Variants in NWD2 observed in about 807,000 individuals in gnomAD.
The protein encoded by NWD2 is NACHT and WD repeat domain-containing protein 2.
NWD2 carries 37 observed loss-of-function variants against 132.7 expected under a neutral mutation model. The ratio of observed to expected loss-of-function variants is 0.28; its 90% CI spans 0.21 to 0.37. The LOEUF is 0.37. NWD2 is among the 10% of genes least tolerant of loss of function. NWD2 has a pLI of 1.00. For missense variants in NWD2, 1,592 were observed against 2,122.4 expected (o/e 0.75, Z 4.91); for synonymous variants, 705 against 803.0 (o/e 0.88, Z 2.06).
At chr4:37,425,547 T>A (rs1711976153) in intron 3 of NWD2, among the ~76,000 whole-genome samples, 1 of 152,200 alleles carries the variant, frequency 6.6e-6, no homozygotes, top group Admixed American at 6.5e-5. Flanking sequence ...ATTGACAGAA[T>A]GTTTAAACTA....
At position 37,448,869 on chromosome 4, in the gene NWD2, C is replaced by T. The variant is rs1712711536; in HGVS notation, c.*1652C>T. ...TTGATGCTAATAGGAAAAATAAATT[C>T]ATGTAACCCATAGAGAATCCAGGTC... On this transcript the variant is annotated 3_prime_UTR_variant, in exon 7 of 7. Coordinates refer to ENST00000309447, the MANE Select transcript of NWD2 (RefSeq NM_001144990.2). 6.6e-6 allele frequency: 1 copy of T among 152,196 alleles called. No homozygotes were observed. The highest frequency in any genetic ancestry group is 2.1e-4 in the South Asian group (1 of 4,824). 9.4% of individuals were successfully genotyped at this position (152,196 alleles called of 1,614,324 possible). A position where few individuals can be genotyped will look rare whatever the true frequency, so the allele number is the denominator to read the frequency against.
chr4:37,312,462 T>C (rs1282400699), intron 1 of NWD2, among the ~76,000 whole-genome samples: 1 of 151,116 alleles, frequency 6.6e-6, no homozygotes, highest in Admixed American at 6.6e-5. Context: ...ATGCTTGTGA[T>C]TTTTATACAT....
intron 1 of NWD2, among the ~76,000 whole-genome samples, chr4:37,258,823 A>G (rs1377803756): frequency 6.6e-6 from 1 of 152,122 alleles, no homozygotes; most frequent in Non-Finnish European, 1.5e-5. Context: ...TGTGCTTACT[A>G]TTTAATTGTT....
intron 1 of NWD2, among the ~76,000 whole-genome samples, chr4:37,265,831 G>A (rs1289990845): frequency 6.6e-6 from 1 of 152,044 alleles, no homozygotes; most frequent in Non-Finnish European, 1.5e-5. Flanking sequence ...CACATCTGCA[G>A]AGTCAGTCCC....
chr4:37,358,371 CACCGA>C (rs1185146304), intron 3 of NWD2, among the ~76,000 whole-genome samples: 1 of 148,970 alleles, frequency 6.7e-6, no homozygotes, highest in African/African-American at 2.6e-5. Context: ...GGGGAACGAA[CACCGA>C]AAAACAGTGT....
chr4:37,265,263 C>T (rs1717725381), intron 1 of NWD2, among the ~76,000 whole-genome samples: 1 of 152,088 alleles, frequency 6.6e-6, no homozygotes, highest in Non-Finnish European at 1.5e-5. Flanking sequence ...ATGGATCTAA[C>T]TGCACAGTCT....
At chr4:37,436,806 G>A (rs1258798129) in intron 5 of NWD2, among the ~76,000 whole-genome samples, 2 of 152,076 alleles carry the variant, frequency 1.3e-5, no homozygotes, top group East Asian at 3.9e-4. Context: ...CCAGATTTCT[G>A]GCATCTTCCC....
At chr4:37,391,034 A>G (rs1720670973) in intron 3 of NWD2, among the ~76,000 whole-genome samples, 1 of 152,114 alleles carries the variant, frequency 6.6e-6, no homozygotes, top group Non-Finnish European at 1.5e-5. Context: ...TACCTCACTG[A>G]TTTTTTTGTT....
rs558454346 is a variant in NWD2 at position 37,444,483 on chromosome 4, G to A, written c.2495G>A (p.Arg832Gln). ...LEPDIFFVNH[R>Q]KMSELLYHLT... ...CCTGACATCTTTTTCGTTAATCATC[G>A]GAAAATGTCTGAGCTGTTGTACCAC... The change falls in exon 7 of 7, where the codon CGG becomes CAG. Residue 832 changes from arginine to glutamine, a missense_variant. Arg to Gln is a conservative substitution (Grantham distance 43). Around this residue, in one of 7 missense-constraint regions of NWD2, gnomAD observed 1,071 missense variants for 1,398.0 expected, o/e 0.77. Transcript: ENST00000309447. The surrounding 1 kb of genome is among the most constrained non-coding windows in gnomAD (Gnocchi z 4.8). 5.2e-6 allele frequency: 8 copies of A among 1,551,758 alleles called. No individual in the cohort carries two copies. Among genetic ancestry groups the A allele is most frequent in the East Asian group, 2.4e-5 (1 of 40,924 alleles).
chr4:37,273,114 A>T (rs1431533138), intron 1 of NWD2, among the ~76,000 whole-genome samples: 1 of 151,858 alleles, frequency 6.6e-6, no homozygotes. Context: ...CTCAGTATTT[A>T]TCTGTAGAAT....
In NWD2 at chr4:37,340,382, A is replaced by G. The variant is rs13340316; in HGVS notation, c.240+14358A>G. ...CAGAGCCCCAGGGGCAGATTAAGGT[A>G]GTTTCTCCCCTGAGCCTCATTTATT... On this transcript the variant is annotated intron_variant, in intron 2 of 6. Coordinates refer to ENST00000309447, the MANE Select transcript of NWD2 (RefSeq NM_001144990.2). 6.8e-3 allele frequency among the ~76,000 whole-genome samples: 1,032 copies of G among 152,334 alleles called. 8 individuals carry two copies. The highest frequency in any genetic ancestry group is 0.024 in the African/African-American group (984 of 41,576).
intron 3 of NWD2, among the ~76,000 whole-genome samples, chr4:37,388,615 T>C (rs1720616336): frequency 7.5e-6 from 1 of 132,962 alleles, no homozygotes; most frequent in African/African-American, 3.2e-5. Flanking sequence ...TTGTGGAAAA[T>C]ATATATTTAT....
At chr4:37,259,910 A>G (rs374861879) in intron 1 of NWD2, among the ~76,000 whole-genome samples, 44 of 152,372 alleles carry the variant, frequency 2.9e-4, no homozygotes, top group African/African-American at 1.1e-3. Context: ...AGAGAACAGC[A>G]GTGAAGTTTT....
At chr4:37,289,095 T>G (rs1429755580) in intron 1 of NWD2, among the ~76,000 whole-genome samples, 3 of 152,224 alleles carry the variant, frequency 2.0e-5, no homozygotes, top group Non-Finnish European at 4.4e-5. Flanking sequence ...TTGTCTCAGT[T>G]TCTCTTTAAT....
intron 2 of NWD2, among the ~76,000 whole-genome samples, chr4:37,349,024 A>G (rs1719707909): frequency 1.3e-5 from 2 of 151,734 alleles, no homozygotes; most frequent in Non-Finnish European, 2.9e-5. Context: ...ATCCTTTTTT[A>G]TGGCTGAATA....
intron 1 of NWD2, among the ~76,000 whole-genome samples, chr4:37,298,605 A>G (rs1438044098): frequency 6.6e-6 from 1 of 152,174 alleles, no homozygotes; most frequent in African/African-American, 2.4e-5. Context: ...GGATAGGAGA[A>G]AAGAGAGCTC....
chr4:37,255,436 G>T (rs1246015515), intron 1 of NWD2, among the ~76,000 whole-genome samples: 3 of 152,298 alleles, frequency 2.0e-5, no homozygotes, highest in African/African-American at 7.2e-5. Context: ...CACAGCTTTT[G>T]AAAGGGAAAG....
chr4:37,360,966 C>T (rs1719970458), intron 3 of NWD2, among the ~76,000 whole-genome samples: 1 of 152,110 alleles, frequency 6.6e-6, no homozygotes, highest in African/African-American at 2.4e-5. Context: ...TCAGAAACAA[C>T]AAAGGTGACG....
At position 37,371,072 on chromosome 4, in the gene NWD2, C is replaced by T. The variant is rs376958174; in HGVS notation, c.357+14590C>T. Among the ~76,000 whole-genome samples the T allele has an allele frequency of 6.0e-4, 60 of 100,446 alleles. 2 individuals carry two copies. The highest frequency in any genetic ancestry group is 9.1e-4 in the Admixed American group (7 of 7,726). 65.9% of individuals were successfully genotyped at this position (100,446 alleles called of 152,430 possible). ...TGCCAAAGAAGTTCAATTTTTTTTT[C>T]TTTTTCTTTTTTTTTTTTTTTTTGA... On this transcript the variant is annotated intron_variant, in intron 3 of 6. Transcript: ENST00000309447.
Sources: allele counts gnomAD v4.1 joint callset (sites outside exome capture counted in the v4.1 genomes callset), GRCh38; gene constraint gnomAD v4.1.1; regional missense constraint gnomAD v4.1.1; non-coding constraint Gnocchi (gnomAD v3.1); transcripts MANE v1.5; gene names NCBI Gene and HGNC (gene_info 2026-07-23, HGNC 2026-07-21).